The following DNAH9 variants were observed in gnomAD, a reference collection of about 807,000 sequenced individuals.
The protein encoded by DNAH9 is dynein axonemal heavy chain 9, also known as DNAH9 variant protein.
Under a neutral mutation model 471.6 loss-of-function variants are expected in DNAH9, and 345 were observed. The ratio of observed to expected loss-of-function variants is 0.73; its 90% CI spans 0.67 to 0.80. The LOEUF (loss-of-function observed/expected upper bound fraction) is 0.80, where lower values mean the gene tolerates loss of function less well. Among genes scored for constraint, DNAH9 ranks in the 30% least tolerant of loss-of-function variants. DNAH9 has a pLI of 0.00. For synonymous variants in DNAH9, 2,093 were observed against 2,123.6 expected (o/e 0.99, Z 0.40); for missense variants, 5,407 against 5,609.2 (o/e 0.96, Z 1.15).
At chr17:11,767,502 T>G (rs566861546) in intron 36 of DNAH9, among the ~76,000 whole-genome samples, 1 of 152,222 alleles carries the variant, frequency 6.6e-6, no homozygotes, top group Non-Finnish European at 1.5e-5. Context: ...TCGGGTTTCA[T>G]AGTTGTTACC....
At chr17:11,617,278 C>T (rs754626317) in intron 4 of DNAH9, 133 bp from the exon 5 acceptor site, 16 of 619,942 alleles carry the variant, frequency 2.6e-5, no homozygotes, top group Non-Finnish European at 4.3e-5. Context: ...CTCATAAGAG[C>T]TAGGAAGTTT....
rs61067153 is a variant in DNAH9 at position 11,843,863 on chromosome 17, G to GTATATATATATATA, written c.9507+8980_9507+8993dup. 4.8e-3 allele frequency among the ~76,000 whole-genome samples: 225 copies of GTATATATATATATA among 46,454 alleles called. 8 individuals carry two copies. Among genetic ancestry groups the GTATATATATATATA allele is most frequent in the African/African-American group, 0.016 (202 of 12,364 alleles). The allele number at this position is 46,454 out of a possible 152,430, so 30.5% of individuals were successfully genotyped here. A position where few individuals can be genotyped will look rare whatever the true frequency, so the allele number is the denominator to read the frequency against. ...TGTTTGTGTGTGTGTGTGTGTGTGT[G>GTATATATATATATA]TATATATATATATATATATATATAT... On this transcript the variant is annotated intron_variant, in intron 49 of 68. Transcript: ENST00000262442.
intron 42 of DNAH9, 79 bp downstream of exon 42, chr17:11,793,743 T>A: frequency 8.2e-7 from 1 of 1,216,418 alleles, no homozygotes; most frequent in Admixed American, 2.3e-5. Context: ...AATGATAAAA[T>A]CTAGCTGTTT....
At chr17:11,632,521 A>G (rs1334725621) in intron 7 of DNAH9, 66 bp from the exon 8 acceptor site, 1 of 764,744 alleles carries the variant, frequency 1.3e-6, no homozygotes, top group Non-Finnish European at 2.4e-6. Flanking sequence ...GTTAGCTGTG[A>G]GGAGCATAGT....
chr17:11,665,233 T>C (rs1292759661), intron 15 of DNAH9, among the ~76,000 whole-genome samples: 1 of 152,214 alleles, frequency 6.6e-6, no homozygotes, highest in East Asian at 1.9e-4. Flanking sequence ...GAATTCACTC[T>C]AAATCAAGCT....
chr17:11,613,384 G>A (rs1370329693), intron 4 of DNAH9, among the ~76,000 whole-genome samples: 1 of 152,306 alleles, frequency 6.6e-6, no homozygotes, highest in Middle Eastern at 3.4e-3. Flanking sequence ...CACTTTGGGA[G>A]GCCGAGGCGG....
chr17:11,608,615 G>GT (rs1422525560), intron 2 of DNAH9, among the ~76,000 whole-genome samples: 2 of 152,038 alleles, frequency 1.3e-5, no homozygotes, highest in African/African-American at 4.8e-5. Flanking sequence ...CTAGCTTTCC[G>GT]TATTTTGCTT....
chr17:11,651,622 A>G (rs905462065), intron 13 of DNAH9, among the ~76,000 whole-genome samples: 4 of 152,212 alleles, frequency 2.6e-5, no homozygotes, highest in Non-Finnish European at 2.9e-5. Context: ...CATGAGTGAC[A>G]GCTCTTACTA....
intron 19 of DNAH9, among the ~76,000 whole-genome samples, chr17:11,687,481 A>T (rs185255224): frequency 2.0e-5 from 3 of 152,274 alleles, no homozygotes; most frequent in Admixed American, 2.0e-4. Context: ...GAAAAACAAG[A>T]GTTTGTATGT....
intron 61 of DNAH9, 112 bp from the exon 62 acceptor site, chr17:11,923,702 T>G (rs1208259547): frequency 2.2e-6 from 3 of 1,347,540 alleles, no homozygotes; most frequent in African/African-American, 2.9e-5. Flanking sequence ...GGTTATAGAT[T>G]TGGGCATGCC....
intron 58 of DNAH9, 40 bp downstream of exon 58, chr17:11,891,987 T>A: frequency 6.2e-7 from 1 of 1,605,538 alleles, no homozygotes; most frequent in Non-Finnish European, 8.5e-7. Flanking sequence ...AACAGGTTAT[T>A]TTTAGTGCCC....
rs982645228 is a variant in DNAH9 at position 11,611,793 on chromosome 17, A to C, written c.904+13A>C. 1.2e-6 allele frequency: 2 copies of C among 1,613,914 alleles called. No individual in the cohort carries two copies. The highest frequency in any genetic ancestry group is 1.7e-6 in the Non-Finnish European group (2 of 1,179,746). ...GATGTTGTTGCAGGTGAGGACCAGC[A>C]AGTGTTTTCACAAATGTGTTTGACT... On this transcript the variant is annotated intron_variant, in intron 4 of 68. Coordinates refer to ENST00000262442, the MANE Select transcript of DNAH9 (RefSeq NM_001372.4).
In DNAH9 at chr17:11,685,801, A is replaced by ATT. The variant is rs66577382; in HGVS notation, c.3744-3745_3744-3744dup. On this transcript the variant is annotated intron_variant, in intron 19 of 68. Transcript: ENST00000262442. ...CACAAAGTCAGGGTTGGATACATTA[A>ATT]TTTTTTTTTTTTTTTTTTTTTGAGA... is the stretch of plus-strand genomic sequence containing the variant. Among the ~76,000 whole-genome samples, 1,220 of 123,562 alleles carry ATT rather than the reference A, an allele frequency of 9.9e-3. 21 individuals carry two copies. The highest frequency in any genetic ancestry group is 0.016 in the East Asian group (64 of 4,012). The allele number at this position is 123,562 out of a possible 152,430, so 81.1% of individuals were successfully genotyped here. A position where few individuals can be genotyped will look rare whatever the true frequency, so the allele number is the denominator to read the frequency against.
chr17:11,611,586 C>T, intron 3 of DNAH9, 64 bp from the exon 4 acceptor site: 1 of 1,535,738 alleles, frequency 6.5e-7, no homozygotes, highest in Non-Finnish European at 8.9e-7. Flanking sequence ...GACGATGGGT[C>T]ATCACAGTGT....
At chr17:11,929,196 A>C (rs1974424349) in intron 62 of DNAH9, among the ~76,000 whole-genome samples, 1 of 151,568 alleles carries the variant, frequency 6.6e-6, no homozygotes, top group Non-Finnish European at 1.5e-5. Context: ...CACCATGCCC[A>C]GCTAATTTTT....
chr17:11,735,389 C>T lies in DNAH9; in HGVS notation c.5815-3491C>T, dbSNP rs925484616. Among the ~76,000 whole-genome samples, 9 of 152,148 alleles carry T rather than the reference C, an allele frequency of 5.9e-5. No individual in the cohort carries two copies. The East Asian group carries it at 1.2e-3, about 20-fold the overall frequency. On this transcript the variant is annotated intron_variant, in intron 28 of 68. Coordinates refer to ENST00000262442, the MANE Select transcript of DNAH9 (RefSeq NM_001372.4). Reference sequence around the variant, plus strand: ...CAAACTCATTCCCAGTTGAGAACACCGGTTCCTACATAGCTTTCCATTTTT... The same window carrying T: ...CAAACTCATTCCCAGTTGAGAACACTGGTTCCTACATAGCTTTCCATTTTT...
chr17:11,610,551 G>A lies in DNAH9; in HGVS notation c.770G>A (p.Ser257Asn). Residue 257 changes from serine to asparagine, a missense_variant, in exon 3 of 69, where the codon AGC (serine) becomes AAC (asparagine). Transcript: ENST00000262442. ...TPKVELEFWK[S>N]RYEDLKYIYN... The stretch of plus-strand genomic sequence containing the variant: ...AAGGTGGAGTTGGAGTTCTGGAAGA[G>A]CAGGTAGGCAAGAAGGCACATGCTG... 1 of 1,612,284 alleles carries A rather than the reference G, an allele frequency of 6.2e-7. No individual in the cohort carries two copies. Among genetic ancestry groups the A allele is most frequent in the Admixed American group, 1.7e-5 (1 of 59,996 alleles).
chr17:11,856,234 T>C (rs956346018), intron 50 of DNAH9, among the ~76,000 whole-genome samples: 1 of 152,104 alleles, frequency 6.6e-6, no homozygotes, highest in Non-Finnish European at 1.5e-5. Context: ...TCTAGGCAAA[T>C]AAGATTCTTG....
Position 11,622,518 on chromosome 17 carries a change from G to C in DNAH9, c.1350+2737G>C, listed in dbSNP as rs149425640. ...CCCCAGCCCATGCCTGGCCTGGGCTGACCACGAAGAACGAATTTCCATCAC... is the reference window on the plus strand; with the variant it reads ...CCCCAGCCCATGCCTGGCCTGGGCTCACCACGAAGAACGAATTTCCATCAC... On this transcript the variant is annotated intron_variant, in intron 6 of 68. Coordinates refer to ENST00000262442, the MANE Select transcript of DNAH9 (RefSeq NM_001372.4). Among the ~76,000 whole-genome samples, 39 of 152,126 alleles carry C rather than the reference G, an allele frequency of 2.6e-4. No homozygotes were observed. In the East Asian group the frequency reaches 7.6e-3, roughly 30 times the overall value.
Sources: allele counts gnomAD v4.1 joint callset (sites outside exome capture counted in the v4.1 genomes callset), GRCh38; gene constraint gnomAD v4.1.1; transcripts MANE v1.5; gene names NCBI Gene and HGNC (gene_info 2026-07-23, HGNC 2026-07-21).